SLC18B1: variants seen among roughly 807,000 people sequenced by gnomAD.
SLC18B1 encodes solute carrier family 18 member B1.
Under a neutral mutation model 53.9 loss-of-function variants are expected in SLC18B1, and 62 were observed. That is an observed-to-expected ratio of 1.15 (90% CI 0.94 to 1.42). SLC18B1 has a LOEUF of 1.42. Among genes scored for constraint, SLC18B1 ranks in the 40% most tolerant of loss-of-function variants. SLC18B1 has a pLI of 0.00. For synonymous variants in SLC18B1, 217 were observed against 200.9 expected (o/e 1.08, Z -0.68); for missense variants, 598 against 547.3 (o/e 1.09, Z -0.93).
Position 132,788,599 on chromosome 6 carries a change from T to A in SLC18B1, c.354-1018A>T, listed in dbSNP as rs1346544975. 3.3e-5 allele frequency among the ~76,000 whole-genome samples: 5 copies of A among 151,994 alleles called. No homozygotes were observed. In the South Asian group the frequency reaches 1.0e-3, roughly 32 times the overall value. On this transcript the variant is annotated intron_variant, in intron 4 of 13. Transcript: ENST00000275227. Reference sequence around the variant, plus strand: ...ACTTTGGAAGGCTGAGGTGGGTGTATCCCCTGAGGTCAGGAGTTCGAGACC... The same window carrying A: ...ACTTTGGAAGGCTGAGGTGGGTGTAACCCCTGAGGTCAGGAGTTCGAGACC...
chr6:132,798,514 C>T lies in SLC18B1; in HGVS notation c.-58G>A. 7 of 1,406,114 alleles carry T rather than the reference C, an allele frequency of 5.0e-6. No homozygotes were observed. The highest frequency in any genetic ancestry group is 6.5e-6 in the Non-Finnish European group (7 of 1,070,150). 87.1% of individuals were successfully genotyped at this position (1,406,114 alleles called of 1,614,324 possible). A position where few individuals can be genotyped will look rare whatever the true frequency, so the allele number is the denominator to read the frequency against. The stretch of plus-strand genomic sequence containing the variant: ...CGGCTTCAAGCCACGTCCTTGGACT[C>T]GACCTCCAAGGAGCCACTGGCACTC... On this transcript the variant is annotated 5_prime_UTR_variant, in exon 1 of 14. Coordinates refer to ENST00000275227, the MANE Select transcript of SLC18B1 (RefSeq NM_052831.3).
chr6:132,778,170 T>A (rs1010509125), intron 7 of SLC18B1, among the ~76,000 whole-genome samples: 3 of 152,142 alleles, frequency 2.0e-5, no homozygotes, highest in African/African-American at 7.2e-5. Context: ...GGTCAATTGA[T>A]CAGTTGGGGT....
rs1177510671 is a variant in SLC18B1 at position 132,796,981 on chromosome 6, C to A, written c.183+1G>T. 1 of 1,611,474 alleles carries A rather than the reference C, an allele frequency of 6.2e-7. No homozygotes were observed. The highest frequency in any genetic ancestry group is 2.2e-5 in the East Asian group (1 of 44,852). On this transcript the variant is annotated splice_donor_variant, in intron 2 of 13. Coordinates refer to ENST00000275227, the MANE Select transcript of SLC18B1 (RefSeq NM_052831.3). LOFTEE classifies it high-confidence loss of function. ...GTCCTAAGGATTTAAAAATGTCTTA[C>A]CTCTTTGGGGAAAAACGGTCCAAGT...
chr6:132,788,399 T>G (rs1385130987), intron 4 of SLC18B1, among the ~76,000 whole-genome samples: 2 of 152,130 alleles, frequency 1.3e-5, no homozygotes, highest in Admixed American at 1.3e-4. Context: ...TTTGTTGTCT[T>G]TTCAGTAGGA....
At chr6:132,770,963 A>C in intron 12 of SLC18B1, 24 bp from the exon 13 acceptor site, 1 of 1,611,880 alleles carries the variant, frequency 6.2e-7, no homozygotes, top group East Asian at 2.2e-5. Flanking sequence ...AAAAGTACTG[A>C]TTAATGTAAA....
chr6:132,786,555 C>CAAAAAAA (rs56886747), intron 5 of SLC18B1, among the ~76,000 whole-genome samples: 1 of 78,620 alleles, frequency 1.3e-5, no homozygotes, highest in African/African-American at 4.5e-5. Context: ...TCCCCCACTC[C>CAAAAAAA]AAAAAAAAAA....
At chr6:132,792,259 G>GA (rs1179734627) in intron 2 of SLC18B1, among the ~76,000 whole-genome samples, 2 of 32,500 alleles carry the variant, frequency 6.2e-5, no homozygotes, top group African/African-American at 2.3e-4. Context: ...AAGAAAGAAA[G>GA]AAAGAAAGAA....
At chr6:132,783,859 G>A (rs1458178210) in intron 6 of SLC18B1, 74 bp downstream of exon 6, 3 of 1,159,054 alleles carry the variant, frequency 2.6e-6, no homozygotes, top group East Asian at 2.9e-5. Context: ...AATAATAACT[G>A]GTAAAACTGG....
intron 1 of SLC18B1, 137 bp downstream of exon 1, chr6:132,798,276 CG>C: frequency 1.1e-6 from 1 of 906,888 alleles, no homozygotes; most frequent in East Asian, 3.2e-5. Flanking sequence ...AACGCTGGCC[CG>C]AACCCCACGA....
In SLC18B1 at chr6:132,779,293, G is replaced by A. The variant is rs769466310; in HGVS notation, c.770C>T (p.Thr257Ile). ...LSSCFGFLDP[T>I]LSLFVLEKFN... ...CTTCTCCAAAACAAAGAGAGACAGA[G>A]TAGGATCGAGGAAGCCAAAACACGA... The change falls in exon 7 of 14, where the codon ACT becomes ATT. Residue 257 changes from threonine (T) to isoleucine (I), a missense_variant. By Grantham distance (89) the Thr-to-Ile change is moderately conservative. Coordinates refer to ENST00000275227, the MANE Select transcript of SLC18B1 (RefSeq NM_052831.3). 2.5e-6 allele frequency: 4 copies of A among 1,613,986 alleles called. No homozygotes were observed. In the Admixed American group the frequency reaches 6.7e-5, roughly 27 times the overall value.
intron 7 of SLC18B1, among the ~76,000 whole-genome samples, chr6:132,778,050 AT>A (rs1193028361): frequency 6.6e-6 from 1 of 152,130 alleles, no homozygotes; most frequent in Non-Finnish European, 1.5e-5. Context: ...TGGGTAGGTA[AT>A]GGAAAATTAC....
chr6:132,783,424 C>A (rs1391637962), intron 6 of SLC18B1, among the ~76,000 whole-genome samples: 1 of 152,226 alleles, frequency 6.6e-6, no homozygotes, highest in African/African-American at 2.4e-5. Flanking sequence ...GATCCGCCAG[C>A]CTCAGCATCC....
intron 6 of SLC18B1, among the ~76,000 whole-genome samples, chr6:132,780,541 GAT>G (rs1781207932): frequency 6.9e-6 from 1 of 145,966 alleles, no homozygotes; most frequent in Non-Finnish European, 1.5e-5. Flanking sequence ...GGATATAAGA[GAT>G]AAAAGTTAAA....
At chr6:132,779,577 T>C (rs750951947) in intron 6 of SLC18B1, among the ~76,000 whole-genome samples, 173 bp from the exon 7 acceptor site, 47 of 152,180 alleles carry the variant, frequency 3.1e-4, no homozygotes, top group Non-Finnish European at 5.3e-4. Flanking sequence ...TATTCAAACC[T>C]AGAGGCCACA....
intron 7 of SLC18B1, 127 bp downstream of exon 7, chr6:132,779,141 G>A (rs764861173): frequency 1.5e-4 from 152 of 1,022,258 alleles, no homozygotes; most frequent in Non-Finnish European, 1.8e-4. Flanking sequence ...CGCTACCTCG[G>A]TGTGTAGTGC....
intron 10 of SLC18B1, 104 bp downstream of exon 10, chr6:132,772,889 G>T: frequency 5.4e-6 from 4 of 734,268 alleles, no homozygotes; most frequent in South Asian, 1.8e-5. Flanking sequence ...TTTAACATTG[G>T]GGCAAAAATA....
At chr6:132,791,524 TC>T (rs1320355854) in intron 2 of SLC18B1, among the ~76,000 whole-genome samples, 1 of 152,112 alleles carries the variant, frequency 6.6e-6, no homozygotes, top group East Asian at 1.9e-4. Flanking sequence ...AACCATACAT[TC>T]CTCATAGCGT....
intron 5 of SLC18B1, 58 bp from the exon 6 acceptor site, chr6:132,784,147 G>T (rs868676239): frequency 1.5e-6 from 2 of 1,361,492 alleles, no homozygotes; most frequent in Middle Eastern, 2.0e-4. Context: ...AATTAACATG[G>T]TACTATCTTT....
intron 1 of SLC18B1, among the ~76,000 whole-genome samples, chr6:132,798,019 C>T (rs1391624834): frequency 4.6e-5 from 7 of 151,916 alleles, no homozygotes; most frequent in African/African-American, 1.7e-4. Context: ...AAAATCAGTG[C>T]AACATGAGGA....
Sources: allele counts gnomAD v4.1 joint callset (sites outside exome capture counted in the v4.1 genomes callset), GRCh38; gene constraint gnomAD v4.1.1; transcripts MANE v1.5; gene names NCBI Gene and HGNC (gene_info 2026-07-23, HGNC 2026-07-21).